The following RALYL variants were observed in gnomAD, a reference collection of about 807,000 sequenced individuals.
RALYL encodes RALY RNA binding protein like, also known as RNA-binding Raly-like protein.
In RALYL, 29 loss-of-function variants were observed where a neutral mutation model predicts 35.1. The observed-to-expected ratio is 0.83, with a 90% CI of 0.61 to 1.13. The LOEUF is 1.13. Among genes scored for constraint, RALYL ranks in the 50% most tolerant of loss-of-function variants. The pLI is 0.00. For missense variants in RALYL, 359 were observed against 360.4 expected (o/e 1.00, Z 0.03); for synonymous variants, 120 against 127.6 (o/e 0.94, Z 0.40).
intron 2 of RALYL, among the ~76,000 whole-genome samples, chr8:84,634,410 C>T (rs1292198653): frequency 6.6e-6 from 1 of 151,810 alleles, no homozygotes; most frequent in African/African-American, 2.4e-5. Context: ...CTAAAATAAA[C>T]CTGTCCCTCT....
At chr8:84,862,211 C>A in intron 5 of RALYL, 85 bp from the exon 6 acceptor site, 1 of 1,133,402 alleles carries the variant, frequency 8.8e-7, no homozygotes, top group Non-Finnish European at 1.2e-6. Flanking sequence ...AATTTTCTAC[C>A]AGGACATTCT....
chr8:84,241,342 A>C (rs753975774), intron 1 of RALYL, among the ~76,000 whole-genome samples: 3 of 152,040 alleles, frequency 2.0e-5, no homozygotes, highest in Admixed American at 6.6e-5. Flanking sequence ...TTCATGTTGG[A>C]ATACCTGATA....
At chr8:84,453,528 G>A (rs1350283951) in intron 1 of RALYL, among the ~76,000 whole-genome samples, 5 of 151,864 alleles carry the variant, frequency 3.3e-5, no homozygotes, top group African/African-American at 7.3e-5. Context: ...AATATCTAAC[G>A]AGAGAGAGAA....
intron 2 of RALYL, among the ~76,000 whole-genome samples, chr8:84,591,544 CTTCTCCAAGGGAGAAAATATCTAT>C (rs1813276549): frequency 6.6e-6 from 1 of 152,156 alleles, no homozygotes; most frequent in Admixed American, 6.5e-5. Context: ...CACTTTCCCT[CTTCTCCAAGGGAGAAAATATCTAT>C]TATCCTGGGC....
intron 4 of RALYL, 114 bp from the exon 5 acceptor site, chr8:84,849,866 T>C (rs1835463881): frequency 3.3e-6 from 2 of 602,426 alleles, no homozygotes; most frequent in South Asian, 4.7e-5. Flanking sequence ...CATAATTATA[T>C]TGAAAAATAA....
intron 2 of RALYL, among the ~76,000 whole-genome samples, chr8:84,740,811 T>A (rs1289675828): frequency 2.0e-5 from 3 of 152,014 alleles, no homozygotes; most frequent in Admixed American, 6.6e-5. Context: ...CTTTTGGTAA[T>A]TGTAAGCTAT....
chr8:84,643,792 G>C (rs1196380651), intron 2 of RALYL, among the ~76,000 whole-genome samples: 3 of 152,032 alleles, frequency 2.0e-5, no homozygotes, highest in African/African-American at 4.8e-5. Flanking sequence ...TCATACGTTA[G>C]GGATAGGGGT....
chr8:84,474,348 G>A (rs889021947), intron 1 of RALYL, among the ~76,000 whole-genome samples: 13 of 152,084 alleles, frequency 8.5e-5, no homozygotes, highest in Non-Finnish European at 1.5e-4. Flanking sequence ...GAAATCTTTC[G>A]AGTTGTTTGT....
intron 2 of RALYL, among the ~76,000 whole-genome samples, chr8:84,546,758 T>G (rs1456617102): frequency 6.6e-6 from 1 of 152,200 alleles, no homozygotes; most frequent in African/African-American, 2.4e-5. Flanking sequence ...AAGAATTTGA[T>G]AGGATTCCCC....
intron 2 of RALYL, among the ~76,000 whole-genome samples, chr8:84,590,571 C>A (rs547807507): frequency 6.6e-6 from 1 of 152,104 alleles, no homozygotes; most frequent in Non-Finnish European, 1.5e-5. Context: ...ATTTGAAGGA[C>A]GCTCATGTGG....
intron 1 of RALYL, among the ~76,000 whole-genome samples, chr8:84,202,555 G>C (rs1817119539): frequency 6.6e-6 from 1 of 151,998 alleles, no homozygotes; most frequent in South Asian, 2.1e-4. Context: ...TGTATTTTTA[G>C]TAGAGACGGG....
intron 1 of RALYL, among the ~76,000 whole-genome samples, chr8:84,321,447 G>A (rs1406639926): frequency 1.3e-5 from 2 of 152,046 alleles, no homozygotes; most frequent in Admixed American, 6.6e-5. Context: ...AGAGACACAA[G>A]GTAATTTTAA....
chr8:84,214,914 T>C (rs570905187), intron 1 of RALYL, among the ~76,000 whole-genome samples: 26 of 152,058 alleles, frequency 1.7e-4, no homozygotes, highest in Non-Finnish European at 2.2e-4. Flanking sequence ...TATATATTTA[T>C]TTAATTTTTG....
intron 2 of RALYL, among the ~76,000 whole-genome samples, chr8:84,585,689 C>G (rs1226108655): frequency 6.6e-6 from 1 of 151,986 alleles, no homozygotes; most frequent in Non-Finnish European, 1.5e-5. Flanking sequence ...GTAGTTAATC[C>G]CAAAATGCCC....
chr8:84,335,586 G>T (rs2130785640), intron 1 of RALYL, among the ~76,000 whole-genome samples: 1 of 151,934 alleles, frequency 6.6e-6, no homozygotes, highest in East Asian at 1.9e-4. Flanking sequence ...TACCTGATTG[G>T]AGGGGAAGGA....
chr8:84,896,677 T>G (rs1195184749), intron 8 of RALYL, among the ~76,000 whole-genome samples: 1 of 152,138 alleles, frequency 6.6e-6, no homozygotes, highest in African/African-American at 2.4e-5. Context: ...GCCTTGGCAT[T>G]TGCTGCACCC....
intron 2 of RALYL, among the ~76,000 whole-genome samples, chr8:84,569,643 C>G (rs1056865852): frequency 6.6e-6 from 1 of 151,690 alleles, no homozygotes; most frequent in East Asian, 1.9e-4. Flanking sequence ...TTAGGGTCTT[C>G]ATTATAAATT....
At chr8:84,574,747 T>G (rs1299933681) in intron 2 of RALYL, among the ~76,000 whole-genome samples, 1 of 150,796 alleles carries the variant, frequency 6.6e-6, no homozygotes, top group Admixed American at 6.6e-5. Flanking sequence ...TGCAGTAGGC[T>G]CGAGGTGATT....
chr8:84,395,340 C>G (rs959943978), intron 1 of RALYL, among the ~76,000 whole-genome samples: 1 of 151,770 alleles, frequency 6.6e-6, no homozygotes, highest in Non-Finnish European at 1.5e-5. Flanking sequence ...TATAGAATAA[C>G]AATATTAAAA....
Sources: gnomAD v4.1 joint callset for allele counts (sites outside exome capture counted in the v4.1 genomes callset) on GRCh38, gnomAD v4.1.1 for gene constraint, MANE v1.5 for transcripts, NCBI Gene and HGNC (gene_info 2026-07-23, HGNC 2026-07-21) for gene names.